TRAPPC10: variants seen among roughly 807,000 people sequenced by gnomAD.
TRAPPC10 encodes trafficking protein particle complex subunit 10.
In TRAPPC10, 23 loss-of-function variants were observed where a neutral mutation model predicts 125.5. The observed-to-expected ratio is 0.18, with a 90% CI of 0.13 to 0.26. The LOEUF is 0.26. Among genes scored for constraint, TRAPPC10 ranks in the 10% least tolerant of loss-of-function variants. TRAPPC10 has a pLI of 1.00. For synonymous variants in TRAPPC10, 509 were observed against 518.0 expected, an observed-to-expected ratio of 0.98 and a Z score of 0.24; for missense variants, 1,123 against 1,308.4, an observed-to-expected ratio of 0.86 and a Z score of 2.19.
chr21:44,021,688 G>C (rs1271773351), intron 1 of TRAPPC10, among the ~76,000 whole-genome samples: 1 of 152,192 alleles, frequency 6.6e-6, no homozygotes, highest in East Asian at 1.9e-4. Flanking sequence ...CTGACTCCCA[G>C]TGTGCTAAGA....
chr21:44,094,324 T>G lies in TRAPPC10; in HGVS notation c.3168+91T>G, dbSNP rs555095341. 4.1e-6 allele frequency: 5 copies of G among 1,219,962 alleles called. No homozygotes were observed. In the East Asian group the frequency reaches 9.5e-5, roughly 23 times the overall value. The allele number at this position is 1,219,962 out of a possible 1,614,324, so 75.6% of individuals were successfully genotyped here. A position where few individuals can be genotyped will look rare whatever the true frequency, so the allele number is the denominator to read the frequency against. Reference sequence around the variant, plus strand: ...AATCTGAAGAACTGAATAGACAGCTTCTGTCAACATAATGAAGGAGCAGCT... The same window carrying G: ...AATCTGAAGAACTGAATAGACAGCTGCTGTCAACATAATGAAGGAGCAGCT... On this transcript the variant is annotated intron_variant, in intron 20 of 22. Transcript: ENST00000291574.
chr21:44,038,603 G>A (rs977720127), intron 3 of TRAPPC10, among the ~76,000 whole-genome samples: 3 of 151,908 alleles, frequency 2.0e-5, no homozygotes, highest in Non-Finnish European at 2.9e-5. Flanking sequence ...GAACCTTTTC[G>A]TTCTTGACAC....
chr21:44,091,417 C>T (rs2038570647), intron 18 of TRAPPC10, among the ~76,000 whole-genome samples: 1 of 152,086 alleles, frequency 6.6e-6, no homozygotes, highest in South Asian at 2.1e-4. Context: ...GAACTTGCCT[C>T]TTTAAAAACT....
chr21:44,062,979 T>G, intron 6 of TRAPPC10: 1 of 1,303,070 alleles, frequency 7.7e-7, no homozygotes, highest in Middle Eastern at 2.1e-4. Flanking sequence ...GGAGCCTTGC[T>G]GAAATTTTCG....
intron 19 of TRAPPC10, 80 bp downstream of exon 19, chr21:44,092,129 C>T: frequency 6.4e-7 from 1 of 1,557,398 alleles, no homozygotes; most frequent in Non-Finnish European, 8.7e-7. Flanking sequence ...TGTGTTGCGA[C>T]TGAGCCTTTA....
chr21:44,039,517 G>A (rs958176533), intron 3 of TRAPPC10, among the ~76,000 whole-genome samples: 1 of 152,216 alleles, frequency 6.6e-6, no homozygotes, highest in Non-Finnish European at 1.5e-5. Context: ...TGCCATGGTG[G>A]CGTTGCTGCC....
rs561940760 is a variant in TRAPPC10 at position 44,081,745 on chromosome 21, G to T, written c.1724-1043G>T. ...CTACAAAAAATTAGCCAGGTGTGGT[G>T]GCGGGCACCTGTAGTCCCAGCTACC... is the stretch of plus-strand genomic sequence containing the variant. On this transcript the variant is annotated intron_variant, in intron 13 of 22. Coordinates refer to ENST00000291574, the MANE Select transcript of TRAPPC10 (RefSeq NM_003274.5). Among the ~76,000 whole-genome samples, 10 of 152,276 alleles carry T rather than the reference G, an allele frequency of 6.6e-5. No homozygotes were observed. In the East Asian group the frequency reaches 1.7e-3, roughly 27 times the overall value.
At chr21:44,064,054 G>A (rs1460424194) in intron 7 of TRAPPC10, among the ~76,000 whole-genome samples, 2 of 152,230 alleles carry the variant, frequency 1.3e-5, no homozygotes, top group African/African-American at 4.8e-5. Context: ...CTGGCTGACT[G>A]CGGCCTGTGC....
At chr21:44,013,011 T>C (rs1346337646) in intron 1 of TRAPPC10, among the ~76,000 whole-genome samples, 1 of 152,156 alleles carries the variant, frequency 6.6e-6, no homozygotes, top group Non-Finnish European at 1.5e-5. Flanking sequence ...TTGCAGGCGT[T>C]GGCGAAGTAG....
In TRAPPC10 at chr21:44,055,713, C is replaced by T. The variant is rs1361199920; in HGVS notation, c.498C>T (p.Ser166=). 27 of 1,607,690 alleles carry T rather than the reference C, an allele frequency of 1.7e-5. No individual in the cohort carries two copies. Among genetic ancestry groups the T allele is most frequent in the Non-Finnish European group, 2.0e-5 (24 of 1,175,028 alleles). ...GTCTTTGCAGGTGTGTTGTGCTCTC[C>T]GACCCCTTGAAGGACTCTTCTCGAA... The part of the protein sequence containing the change: ...NKQSDRCVVL[S]DPLKDSSRTQ... Residue 166 remains serine, a synonymous_variant, in exon 5 of 23, where the codon TCC becomes TCT. Coordinates refer to ENST00000291574, the MANE Select transcript of TRAPPC10 (RefSeq NM_003274.5).
At chr21:44,079,921 GA>G in intron 12 of TRAPPC10, 93 bp from the exon 13 acceptor site, 1 of 1,182,188 alleles carries the variant, frequency 8.5e-7, no homozygotes, top group Non-Finnish European at 1.2e-6. Flanking sequence ...TTTGGCTTTT[GA>G]AGCCTCTGTG....
Position 44,062,943 on chromosome 21 carries a change from G to C in TRAPPC10, c.791-595G>C, listed in dbSNP as rs891511795. 4.7e-6 allele frequency: 6 copies of C among 1,287,334 alleles called. No individual in the cohort carries two copies. In the African/African-American group the frequency reaches 9.3e-5, roughly 20 times the overall value. 79.7% of individuals were successfully genotyped at this position (1,287,334 alleles called of 1,614,324 possible). ...ATGCTTATTTTAAGATCATATTTGA[G>C]TCTTAGGGATGTAAGTAAACCTCTG... On this transcript the variant is annotated intron_variant, in intron 6 of 22. Coordinates refer to ENST00000291574, the MANE Select transcript of TRAPPC10 (RefSeq NM_003274.5).
intron 7 of TRAPPC10, among the ~76,000 whole-genome samples, chr21:44,067,556 A>G (rs988151964): frequency 6.6e-6 from 1 of 152,176 alleles, no homozygotes; most frequent in Non-Finnish European, 1.5e-5. Flanking sequence ...GAATCATTCA[A>G]GAAACGTTTC....
Position 44,063,289 on chromosome 21 carries a change from G to C in TRAPPC10, c.791-249G>C. 5 of 1,197,208 alleles carry C rather than the reference G, an allele frequency of 4.2e-6. No individual in the cohort carries two copies. Among genetic ancestry groups the C allele is most frequent in the Non-Finnish European group, 5.5e-6 (5 of 912,888 alleles). The allele number at this position is 1,197,208 out of a possible 1,614,324, so 74.2% of individuals were successfully genotyped here. A position where few individuals can be genotyped will look rare whatever the true frequency, so the allele number is the denominator to read the frequency against. On this transcript the variant is annotated intron_variant, in intron 6 of 22. Transcript: ENST00000291574. The surrounding 1 kb of genome is among the most constrained non-coding windows in gnomAD (Gnocchi z 4.4). ...CTGTCTCTGGGTGACTTCCCAACCT[G>C]TTCAGCTCCCGCCCATGACTTTCTG...
rs778865166 is a variant in TRAPPC10, at chr21:44,087,659, G to A, written c.2540-40G>A. The A allele has an allele frequency of 7.6e-6, 12 of 1,576,440 alleles. No homozygotes were observed. The highest frequency in any genetic ancestry group is 1.1e-5 in the South Asian group (1 of 90,480). On this transcript the variant is annotated intron_variant, in intron 16 of 22. Coordinates refer to ENST00000291574, the MANE Select transcript of TRAPPC10 (RefSeq NM_003274.5). The surrounding 1 kb of genome is among the most constrained non-coding windows in gnomAD (Gnocchi z 4.6). ...TGTAAGGAAAAGGACAAGTGAAACCGAGGGAACAGCTTTGAAGTGACTTTT... is the reference window on the plus strand; with the variant it reads ...TGTAAGGAAAAGGACAAGTGAAACCAAGGGAACAGCTTTGAAGTGACTTTT...
At chr21:44,025,739 G>A (rs2032978935) in intron 1 of TRAPPC10, among the ~76,000 whole-genome samples, 1 of 151,946 alleles carries the variant, frequency 6.6e-6, no homozygotes, top group Non-Finnish European at 1.5e-5. Flanking sequence ...GAACACTAAT[G>A]TATGGGTTTT....
chr21:44,086,026 A>G (rs999957196), intron 15 of TRAPPC10, among the ~76,000 whole-genome samples: 10 of 152,232 alleles, frequency 6.6e-5, no homozygotes, highest in African/African-American at 2.4e-4. Flanking sequence ...AAAGGCTGTC[A>G]GATGTGGGAC....
intron 1 of TRAPPC10, among the ~76,000 whole-genome samples, chr21:44,013,813 A>G (rs2031481609): frequency 6.6e-6 from 1 of 152,148 alleles, no homozygotes; most frequent in Non-Finnish European, 1.5e-5. Flanking sequence ...GGAGACTTGC[A>G]TAGTTCAGCA....
At chr21:44,076,742 GTT>G in intron 10 of TRAPPC10, 114 bp downstream of exon 10, 1 of 730,654 alleles carries the variant, frequency 1.4e-6, no homozygotes, top group Non-Finnish European at 2.3e-6. Flanking sequence ...CTTCTTGTTG[GTT>G]TTTTTTAGTT....
Sources: allele counts gnomAD v4.1 joint callset (sites outside exome capture counted in the v4.1 genomes callset), GRCh38; gene constraint gnomAD v4.1.1; non-coding constraint Gnocchi (gnomAD v3.1); transcripts MANE v1.5; gene names NCBI Gene and HGNC (gene_info 2026-07-23, HGNC 2026-07-21).